The following GNAT3 variants were observed in gnomAD, a reference collection of about 807,000 sequenced individuals.
GNAT3 encodes guanine nucleotide-binding protein G(t) subunit alpha-3.
In GNAT3, 31 loss-of-function variants were observed where a neutral mutation model predicts 37.7. The observed-to-expected ratio is 0.82, with a 90% CI of 0.62 to 1.11. The LOEUF is 1.11. Among genes scored for constraint, GNAT3 ranks in the 50% most tolerant of loss-of-function variants. The pLI is 0.00. For synonymous variants in GNAT3, 138 were observed against 139.8 expected (o/e 0.99, Z 0.09); for missense variants, 437 against 412.5 (o/e 1.06, Z -0.51).
chr7:80,507,043 A>G (rs904492782), intron 1 of GNAT3, among the ~76,000 whole-genome samples: 3 of 152,090 alleles, frequency 2.0e-5, no homozygotes, highest in Non-Finnish European at 4.4e-5. Context: ...TAAATAAGGC[A>G]AAACAAAAAG....
At chr7:80,492,719 C>A (rs1444029754) in intron 2 of GNAT3, among the ~76,000 whole-genome samples, 2 of 151,104 alleles carry the variant, frequency 1.3e-5, no homozygotes, top group East Asian at 3.9e-4. Context: ...AATAATTTTC[C>A]CAGCTTACTA....
intron 5 of GNAT3, among the ~76,000 whole-genome samples, chr7:80,472,135 T>G (rs781072101): frequency 3.9e-5 from 6 of 152,120 alleles, no homozygotes; most frequent in Non-Finnish European, 7.4e-5. Context: ...ATTGATAATT[T>G]TTTTTAAAAG....
chr7:80,496,082 A>G (rs1414927048), intron 1 of GNAT3, among the ~76,000 whole-genome samples: 1 of 151,966 alleles, frequency 6.6e-6, no homozygotes, highest in Admixed American at 6.6e-5. Flanking sequence ...TTTTTGTTAC[A>G]CTTGCTTTTG....
At chr7:80,462,723 C>T (rs1790071952) in intron 5 of GNAT3, 92 bp from the exon 6 acceptor site, 2 of 898,832 alleles carry the variant, frequency 2.2e-6, no homozygotes, top group Non-Finnish European at 3.3e-6. Flanking sequence ...ATGGGTGATC[C>T]CCTATCTTCA....
chr7:80,511,753 A>G (rs10230573), intron 1 of GNAT3, 56 bp downstream of exon 1: 563,647 of 952,194 alleles, frequency 0.59, 169,035 homozygotes, highest in East Asian at 0.76. Flanking sequence ...AAAAGTAAAT[A>G]TATCACAATT....
chr7:80,484,314 G>C (rs987115937), intron 3 of GNAT3, among the ~76,000 whole-genome samples: 3 of 152,116 alleles, frequency 2.0e-5, no homozygotes, highest in African/African-American at 7.2e-5. Context: ...GAAATGCTGA[G>C]TTAAAAATAC....
At chr7:80,503,701 A>G (rs138913006) in intron 1 of GNAT3, among the ~76,000 whole-genome samples, 41 of 152,346 alleles carry the variant, frequency 2.7e-4, no homozygotes, top group Middle Eastern at 6.8e-3. Context: ...CATGGAAAAC[A>G]TAAAGATACA....
chr7:80,506,108 T>G (rs145745102), intron 1 of GNAT3, among the ~76,000 whole-genome samples: 1 of 152,340 alleles, frequency 6.6e-6, no homozygotes, highest in East Asian at 1.9e-4. Flanking sequence ...ACTTGTTAAC[T>G]GCTCATGTTG....
chr7:80,488,115 C>T (rs191452569), intron 3 of GNAT3, among the ~76,000 whole-genome samples: 2 of 152,016 alleles, frequency 1.3e-5, no homozygotes, highest in African/African-American at 4.8e-5. Context: ...CCACACAGAC[C>T]TTGTAATCAT....
chr7:80,466,228 G>C (rs554652292), intron 5 of GNAT3, among the ~76,000 whole-genome samples: 56 of 152,230 alleles, frequency 3.7e-4, no homozygotes, highest in African/African-American at 1.1e-3. Context: ...TGTAGGAATC[G>C]AATTCTAGGA....
chr7:80,508,451 C>T lies in GNAT3; in HGVS notation c.118+3358G>A, dbSNP rs185901017. Among the ~76,000 whole-genome samples the T allele has an allele frequency of 4.6e-5, 7 of 152,044 alleles. No individual in the cohort carries two copies. In the South Asian group the frequency reaches 8.3e-4, roughly 18 times the overall value. ...ATGAAACGTTTATAAAACTTTAAAA[C>T]GTACTTAGATACAAATGAGAATATT... On this transcript the variant is annotated intron_variant, in intron 1 of 7. Transcript: ENST00000398291.
chr7:80,503,190 A>C (rs186754052), intron 1 of GNAT3, among the ~76,000 whole-genome samples: 96 of 152,296 alleles, frequency 6.3e-4, no homozygotes, highest in African/African-American at 2.1e-3. Context: ...TCATTTCTAC[A>C]TGCAAAGGTA....
At chr7:80,478,602 A>G (rs1790342298) in intron 4 of GNAT3, among the ~76,000 whole-genome samples, 1 of 152,176 alleles carries the variant, frequency 6.6e-6, no homozygotes, top group Non-Finnish European at 1.5e-5. Context: ...GCACCATAGA[A>G]TCTTCTCAGG....
intron 7 of GNAT3, among the ~76,000 whole-genome samples, chr7:80,461,011 A>G (rs1009160674): frequency 9.1e-6 from 1 of 109,608 alleles, no homozygotes; most frequent in African/African-American, 4.6e-5. Context: ...TTATGAGTTT[A>G]TATTTAATTA....
rs764479675 is a variant in GNAT3 at position 80,462,397 on chromosome 7, A to G, written c.721-85T>C. ...GCATCATGAACAAGGATCTAGAACTAACATAAATCTTTGGCAAACCTTCAT... is the reference window on the plus strand; with the variant it reads ...GCATCATGAACAAGGATCTAGAACTGACATAAATCTTTGGCAAACCTTCAT... On this transcript the variant is annotated intron_variant, in intron 6 of 7. Coordinates refer to ENST00000398291, the MANE Select transcript of GNAT3 (RefSeq NM_001102386.3). 17 of 1,549,936 alleles carry G rather than the reference A, an allele frequency of 1.1e-5. No individual in the cohort carries two copies. The African/African-American group carries it at 1.4e-4, about 12-fold the overall frequency.
intron 5 of GNAT3, among the ~76,000 whole-genome samples, chr7:80,463,221 T>TA (rs1392807672): frequency 6.6e-6 from 1 of 152,124 alleles, no homozygotes; most frequent in East Asian, 1.9e-4. Flanking sequence ...ATATACAAGG[T>TA]AAAATGTGAG....
chr7:80,468,774 A>T lies in GNAT3; in HGVS notation c.590+5477T>A, dbSNP rs143582748. On this transcript the variant is annotated intron_variant, in intron 5 of 7. Coordinates refer to ENST00000398291, the MANE Select transcript of GNAT3 (RefSeq NM_001102386.3). ...CAGAATCAAAAGAATTTATAACTGT[A>T]AGGGAGCCAAGCTCTCCAAATCATC... Among the ~76,000 whole-genome samples, 323 of 152,222 alleles carry T rather than the reference A, an allele frequency of 2.1e-3. 2 individuals carry two copies. The highest frequency in any genetic ancestry group is 7.0e-3 in the African/African-American group (290 of 41,574).
At chr7:80,473,721 T>C (rs2116160327) in intron 5 of GNAT3, among the ~76,000 whole-genome samples, 1 of 152,302 alleles carries the variant, frequency 6.6e-6, no homozygotes, top group Non-Finnish European at 1.5e-5. Flanking sequence ...CTCGATAATA[T>C]AACCGCAATG....
intron 1 of GNAT3, among the ~76,000 whole-genome samples, chr7:80,503,202 A>G (rs1584197842): frequency 6.6e-6 from 1 of 152,320 alleles, no homozygotes; most frequent in East Asian, 1.9e-4. Flanking sequence ...GCAAAGGTAT[A>G]CCTGTGTTCT....
Sources: gnomAD v4.1 joint callset for allele counts (sites outside exome capture counted in the v4.1 genomes callset) on GRCh38, gnomAD v4.1.1 for gene constraint, MANE v1.5 for transcripts, NCBI Gene and HGNC (gene_info 2026-07-23, HGNC 2026-07-21) for gene names.